The following GNGT2 variants were observed in gnomAD, a reference collection of about 807,000 sequenced individuals.
GNGT2 encodes guanine nucleotide-binding protein G(I)/G(S)/G(O) subunit gamma-T2.
GNGT2 carries 4 observed loss-of-function variants against 3.5 expected under a neutral mutation model. The observed-to-expected ratio is 1.13, with a 90% CI of 0.56 to 2.59. The LOEUF is 2.59. Ranked by LOEUF, GNGT2 falls within the 30% of genes most tolerant of loss-of-function variation. The probability of loss-of-function intolerance (pLI) is 0.02; values close to 1 mark genes in which losing one functional copy is unlikely to be tolerated. For synonymous variants in GNGT2, 31 were observed against 29.5 expected, an observed-to-expected ratio of 1.05 and a Z score of -0.17; for missense variants, 64 against 81.2, an observed-to-expected ratio of 0.79 and a Z score of 0.82.
Position 49,206,502 on chromosome 17 carries a change from G to C in GNGT2, c.*255C>G. ...AGGCTTCTCACACCCCACCACCCAT[G>C]GGGCCAACCGCTCGGCCAGCCACAC... On this transcript the variant is annotated 3_prime_UTR_variant, in exon 4 of 4. Transcript: ENST00000507680. 2.2e-6 allele frequency: 1 copy of C among 453,378 alleles called. No homozygotes were observed. Among genetic ancestry groups the C allele is most frequent in the Non-Finnish European group, 3.9e-6 (1 of 257,700 alleles). The allele number at this position is 453,378 out of a possible 1,614,324, so 28.1% of individuals were successfully genotyped here.
At position 49,210,521 on chromosome 17, in the gene GNGT2, G is replaced by A; in HGVS notation, c.-210C>T. The stretch of plus-strand genomic sequence containing the variant: ...TGGCTTCCCCCTTCCTCTGGGCAGG[G>A]GACAGAGAGACACAGGCTCGGGGAG... On this transcript the variant is annotated 5_prime_UTR_variant, in exon 1 of 4. Coordinates refer to ENST00000507680, the MANE Select transcript of GNGT2 (RefSeq NM_001198754.2). The surrounding 1 kb of genome is among the most constrained non-coding windows in gnomAD (Gnocchi z 4.2). 1 of 502,636 alleles carries A rather than the reference G, an allele frequency of 2.0e-6. No homozygotes were observed. The highest frequency in any genetic ancestry group is 3.6e-6 in the Non-Finnish European group (1 of 279,622). 31.1% of individuals were successfully genotyped at this position (502,636 alleles called of 1,614,324 possible).
intron 1 of GNGT2, among the ~76,000 whole-genome samples, chr17:49,209,990 G>A (rs1036821810): frequency 1.3e-5 from 2 of 152,126 alleles, no homozygotes; most frequent in African/African-American, 2.4e-5. Flanking sequence ...TGTCTAATCT[G>A]AGTCCCTCAC....
At position 49,207,395 on chromosome 17, in the gene GNGT2, G is replaced by A. The variant is rs757058231; in HGVS notation, c.28C>T (p.Leu10=). ...AGCTGCTCCACCTCCATCTTCAACA[G>A]GTCCTTCTCGCTGAGATCCTGGGCC... is the stretch of plus-strand genomic sequence containing the variant. The part of the protein sequence containing the change: MAQDLSEKD[L]LKMEVEQLKK... Residue 10 remains leucine (L), a synonymous_variant, in exon 3 of 4, where the codon CTG becomes TTG. Transcript: ENST00000507680. The A allele has an allele frequency of 6.1e-5, 98 of 1,613,502 alleles. 3 individuals carry two copies. The South Asian group carries it at 1.0e-3, about 17-fold the overall frequency.
intron 2 of GNGT2, among the ~76,000 whole-genome samples, 166 bp downstream of exon 2, chr17:49,208,679 A>G (rs1335475361): frequency 6.6e-6 from 1 of 152,144 alleles, no homozygotes; most frequent in Non-Finnish European, 1.5e-5. Context: ...AAAATATTAT[A>G]ATATACTACC....
chr17:49,210,555 A>T lies in GNGT2; in HGVS notation c.-244T>A, dbSNP rs1054921935. ...GACACAGGCTCGGGGAGCAGGACTG[A>T]CTTCCTCTTGTCCCGGAATGAGCAT... On this transcript the variant is annotated 5_prime_UTR_variant, in exon 1 of 4. Transcript: ENST00000507680. This position sits in a 1 kb window ranked among gnomAD's most constrained non-coding sequence, Gnocchi z 4.2. 3 of 577,818 alleles carry T rather than the reference A, an allele frequency of 5.2e-6. No homozygotes were observed. The highest frequency in any genetic ancestry group is 1.9e-5 in the African/African-American group (1 of 53,592). The allele number at this position is 577,818 out of a possible 1,614,324, so 35.8% of individuals were successfully genotyped here.
At position 49,207,323 on chromosome 17, in the gene GNGT2, G is replaced by A. The variant is rs1458230422; in HGVS notation, c.84+16C>T. The A allele has an allele frequency of 6.3e-7, 1 of 1,582,654 alleles. No homozygotes were observed. Among genetic ancestry groups the A allele is most frequent in the Non-Finnish European group, 8.7e-7 (1 of 1,151,322 alleles). ...GAACAGGAAGGGAAGAGCAGGGACG[G>A]GGCGAGGAGGCTCACCGGAATTCTT... On this transcript the variant is annotated intron_variant, in intron 3 of 3. Transcript: ENST00000507680.
At chr17:49,207,259 A>G (rs56042984) in intron 3 of GNGT2, 80 bp downstream of exon 3, 115,300 of 1,031,560 alleles carry the variant, frequency 0.11, 7,276 homozygotes, top group South Asian at 0.19. Context: ...CAGTCCCACC[A>G]CCCTTTCTGG....
chr17:49,207,399 C>CT lies in GNGT2; in HGVS notation c.23dup (p.Asp9GlyfsTer47). The CT allele has an allele frequency of 6.2e-7, 1 of 1,613,600 alleles. No homozygotes were observed. The highest frequency in any genetic ancestry group is 1.1e-5 in the South Asian group (1 of 91,078). Reference sequence around the variant, plus strand: ...GCTCCACCTCCATCTTCAACAGGTCCTTCTCGCTGAGATCCTGGGCCATCC... The same window carrying CT: ...GCTCCACCTCCATCTTCAACAGGTCCTTTCTCGCTGAGATCCTGGGCCATCC... On this transcript the variant is annotated frameshift_variant, in exon 3 of 4. Transcript: ENST00000507680. LOFTEE classifies it high-confidence loss of function.
At chr17:49,209,150 T>TA (rs1248115406) in intron 1 of GNGT2, 196 bp from the exon 2 acceptor site, 1 of 152,382 alleles carries the variant, frequency 6.6e-6, no homozygotes, top group African/African-American at 2.4e-5. Flanking sequence ...GTGACCTCAC[T>TA]AGCTTAGAGC....
chr17:49,207,822 C>T (rs1598232707), intron 2 of GNGT2, among the ~76,000 whole-genome samples: 1 of 152,106 alleles, frequency 6.6e-6, no homozygotes, highest in East Asian at 1.9e-4. Context: ...TCAGAGTTTT[C>T]CTCTTTCTCT....
At chr17:49,208,450 A>T (rs2043125588) in intron 2 of GNGT2, among the ~76,000 whole-genome samples, 1 of 150,848 alleles carries the variant, frequency 6.6e-6, no homozygotes. Context: ...GACAAGAGTG[A>T]GACTCCATCT....
At chr17:49,206,980 C>CAG (rs1354837209) in intron 3 of GNGT2, 98 bp from the exon 4 acceptor site, 1 of 1,300,324 alleles carries the variant, frequency 7.7e-7, no homozygotes, top group East Asian at 2.3e-5. Context: ...AGGGCAGAGA[C>CAG]AGGGGCCAAA....
intron 2 of GNGT2, 150 bp downstream of exon 2, chr17:49,208,695 C>T (rs1309030953): frequency 6.6e-6 from 1 of 152,084 alleles, no homozygotes; most frequent in Non-Finnish European, 1.5e-5. Context: ...CTACCTGGCA[C>T]ATAATGAACA....
rs769732022 is a variant in GNGT2, at chr17:49,206,736, T to C, written c.*21A>G. ...GGCTTGGCTGAAGAGGGACAGACAC[T>C]CAGGGCAGGGCTCCATGCCATCAGC... On this transcript the variant is annotated 3_prime_UTR_variant, in exon 4 of 4. Coordinates refer to ENST00000507680, the MANE Select transcript of GNGT2 (RefSeq NM_001198754.2). 6.9e-6 allele frequency: 11 copies of C among 1,601,992 alleles called. No individual in the cohort carries two copies. The Admixed American group carries it at 1.9e-4, about 28-fold the overall frequency.
Position 49,207,437 on chromosome 17 carries a change from A to G in GNGT2, c.-15T>C. On this transcript the variant is annotated 5_prime_UTR_variant, in exon 3 of 4. Transcript: ENST00000507680. ...TCCTGGGCCATCCTGCCCTAGACAG[A>G]CCTGATCCTGGAAAGGATTCAGCAG... 6.4e-7 allele frequency: 1 copy of G among 1,574,704 alleles called. No homozygotes were observed. Among genetic ancestry groups the G allele is most frequent in the Non-Finnish European group, 8.7e-7 (1 of 1,144,130 alleles).
chr17:49,207,468 AT>A, intron 2 of GNGT2, 24 bp from the exon 3 acceptor site: 1 of 1,294,146 alleles, frequency 7.7e-7, no homozygotes, highest in East Asian at 2.3e-5. Context: ...AGCAGCCAGG[AT>A]CATAAATCTC....
rs1280756727 is a variant in GNGT2 at position 49,206,741 on chromosome 17, G to T, written c.*16C>A. On this transcript the variant is annotated 3_prime_UTR_variant, in exon 4 of 4. Transcript: ENST00000507680. ...GGCTGAAGAGGGACAGACACTCAGG[G>T]CAGGGCTCCATGCCATCAGCTTATC... 2 of 1,609,468 alleles carry T rather than the reference G, an allele frequency of 1.2e-6. No individual in the cohort carries two copies.
chr17:49,206,690 C>T lies in GNGT2; in HGVS notation c.*67G>A, dbSNP rs2043109588. 7 of 1,485,694 alleles carry T rather than the reference C, an allele frequency of 4.7e-6. No homozygotes were observed. Among genetic ancestry groups the T allele is most frequent in the Admixed American group, 2.1e-5 (1 of 46,848 alleles). 92.0% of individuals were successfully genotyped at this position (1,485,694 alleles called of 1,614,324 possible). A position where few individuals can be genotyped will look rare whatever the true frequency, so the allele number is the denominator to read the frequency against. Reference sequence around the variant, plus strand: ...AGAGAAGGTGACAGTTCACTGGCTCCCTGGGGGTCTAGGAGACTTGGGCTT... The same window carrying T: ...AGAGAAGGTGACAGTTCACTGGCTCTCTGGGGGTCTAGGAGACTTGGGCTT... On this transcript the variant is annotated 3_prime_UTR_variant, in exon 4 of 4. Coordinates refer to ENST00000507680, the MANE Select transcript of GNGT2 (RefSeq NM_001198754.2).
rs141067650 is a variant in GNGT2, at chr17:49,210,078, C to G, written c.-133+366G>C. 3 of 152,138 alleles carry G rather than the reference C, an allele frequency of 2.0e-5. No homozygotes were observed. Among genetic ancestry groups the G allele is most frequent in the Non-Finnish European group, 4.4e-5 (3 of 68,102 alleles). 9.4% of individuals were successfully genotyped at this position (152,138 alleles called of 1,614,324 possible). On this transcript the variant is annotated intron_variant, in intron 1 of 3. Coordinates refer to ENST00000507680, the MANE Select transcript of GNGT2 (RefSeq NM_001198754.2). This position sits in a 1 kb window ranked among gnomAD's most constrained non-coding sequence, Gnocchi z 4.2. The stretch of plus-strand genomic sequence containing the variant: ...AGGGCAGATCTTCATCACACACAAC[C>G]CTTCGCAGGCTTGCTAACACCCCTC...
Sources: gnomAD v4.1 joint callset for allele counts (sites outside exome capture counted in the v4.1 genomes callset) on GRCh38, gnomAD v4.1.1 for gene constraint, Gnocchi (gnomAD v3.1) non-coding constraint, MANE v1.5 for transcripts, NCBI Gene and HGNC (gene_info 2026-07-23, HGNC 2026-07-21) for gene names.